The following SKIC3 variants were observed in gnomAD, a reference collection of about 807,000 sequenced individuals.
The protein encoded by SKIC3 is superkiller complex protein 3.
the SKIC3 span, chr5:95,523,950 T>C: frequency 1.8e-6 from 2 of 1,119,384 alleles, no homozygotes; most frequent in Non-Finnish European, 1.3e-6. Context: ...TCATTAAACA[T>C]ACAAAAATAT....
chr5:95,537,537 A>C, the SKIC3 span, among the ~76,000 whole-genome samples: 1 of 152,246 alleles, frequency 6.6e-6, no homozygotes, highest in Admixed American at 6.5e-5. Flanking sequence ...AATGATAGCA[A>C]ATCTTCAACC....
the SKIC3 span, chr5:95,512,624 A>G: frequency 6.2e-7 from 1 of 1,613,916 alleles, no homozygotes; most frequent in African/African-American, 1.3e-5. Context: ...TCAGTCTTTA[A>G]AAAAGCCAAC....
the SKIC3 span, among the ~76,000 whole-genome samples, chr5:95,478,129 ATG>A: frequency 6.6e-6 from 1 of 152,170 alleles, no homozygotes; most frequent in African/African-American, 2.4e-5. Context: ...ATGTTGCTCT[ATG>A]TCCATCACAA....
the SKIC3 span, chr5:95,529,045 A>G: frequency 1.2e-6 from 2 of 1,613,816 alleles, no homozygotes; most frequent in Non-Finnish European, 1.7e-6. Flanking sequence ...ATGCATTTTG[A>G]CTTGGGCTTC....
At chr5:95,476,244 C>T in the SKIC3 span, among the ~76,000 whole-genome samples, 2 of 152,166 alleles carry the variant, frequency 1.3e-5, no homozygotes, top group Admixed American at 1.3e-4. Flanking sequence ...GAGTTGAATG[C>T]CGCAGCCCTG....
the SKIC3 span, among the ~76,000 whole-genome samples, chr5:95,483,336 A>G: frequency 6.6e-6 from 1 of 152,050 alleles, no homozygotes; most frequent in Admixed American, 6.5e-5. Flanking sequence ...TTTTTTACTC[A>G]TTAGATCTTA....
the SKIC3 span, chr5:95,550,864 G>C: frequency 1.3e-5 from 2 of 151,718 alleles, no homozygotes. Flanking sequence ...TATATTCCTG[G>C]GCCTCAGATG....
the SKIC3 span, chr5:95,512,441 C>T: frequency 6.3e-7 from 1 of 1,594,806 alleles, no homozygotes; most frequent in South Asian, 1.1e-5. Context: ...TCAATAGTTG[C>T]TCAAATATCT....
chr5:95,536,634 T>C, the SKIC3 span: 1 of 590,722 alleles, frequency 1.7e-6, no homozygotes, highest in Non-Finnish European at 3.0e-6. Flanking sequence ...TGTATTACTG[T>C]ACTTTCCTAT....
At chr5:95,545,654 T>C in the SKIC3 span, among the ~76,000 whole-genome samples, 1 of 152,190 alleles carries the variant, frequency 6.6e-6, no homozygotes, top group Non-Finnish European at 1.5e-5. Flanking sequence ...TTGCTCACAC[T>C]GTCTGTCACC....
the SKIC3 span, among the ~76,000 whole-genome samples, chr5:95,508,574 T>C: frequency 2.6e-5 from 4 of 152,362 alleles, no homozygotes; most frequent in South Asian, 8.3e-4. Context: ...AGGCCTCAAC[T>C]GCCTCCTTAG....
chr5:95,539,409 C>T, the SKIC3 span, among the ~76,000 whole-genome samples: 1 of 152,158 alleles, frequency 6.6e-6, no homozygotes, highest in African/African-American at 2.4e-5. Flanking sequence ...TACCACCTTA[C>T]TCCTGCAAGA....
chr5:95,496,960 A>G, the SKIC3 span, among the ~76,000 whole-genome samples: 1 of 152,220 alleles, frequency 6.6e-6, no homozygotes, highest in Non-Finnish European at 1.5e-5. Context: ...ATAATCCTTC[A>G]TAGAGTGTCA....
chr5:95,509,749 G>T, the SKIC3 span: 3 of 1,137,406 alleles, frequency 2.6e-6, no homozygotes, highest in African/African-American at 1.5e-5. Context: ...CAAAATATTC[G>T]TTTTATTTTT....
At chr5:95,502,852 G>T in the SKIC3 span, 5 of 1,610,974 alleles carry the variant, frequency 3.1e-6, no homozygotes, top group South Asian at 5.5e-5. Context: ...ATCTGGTCAT[G>T]TTAAGTGTTG....
the SKIC3 span, among the ~76,000 whole-genome samples, chr5:95,551,515 T>A: frequency 6.6e-6 from 1 of 152,184 alleles, no homozygotes; most frequent in African/African-American, 2.4e-5. Context: ...ATCCAAACAA[T>A]GTTTAGGAAA....
the SKIC3 span, chr5:95,512,409 T>C: frequency 6.5e-7 from 1 of 1,538,120 alleles, no homozygotes; most frequent in African/African-American, 1.4e-5. Flanking sequence ...ATGAATTAAT[T>C]TTAAAAATTA....
At chr5:95,532,425 G>A in the SKIC3 span, among the ~76,000 whole-genome samples, 3 of 152,032 alleles carry the variant, frequency 2.0e-5, no homozygotes, top group Non-Finnish European at 2.9e-5. Context: ...ATGACCAAGC[G>A]GCACTGAGAG....
chr5:95,514,303 A>C, the SKIC3 span, among the ~76,000 whole-genome samples: 1 of 152,182 alleles, frequency 6.6e-6, no homozygotes, highest in Non-Finnish European at 1.5e-5. Context: ...CTAAGGTAAA[A>C]AAAGAAAAAA....
Sources: allele counts gnomAD v4.1 joint callset (sites outside exome capture counted in the v4.1 genomes callset), GRCh38; gene constraint gnomAD v4.1.1; transcripts MANE v1.5; gene names NCBI Gene and HGNC (gene_info 2026-07-23, HGNC 2026-07-21).